The following GLIS1 variants were observed in gnomAD, a reference collection of about 807,000 sequenced individuals.
GLIS1 encodes the protein zinc finger protein GLIS1.
GLIS1 carries 24 observed loss-of-function variants against 63.8 expected under a neutral mutation model. The observed-to-expected ratio is 0.38, with a 90% confidence interval of 0.27 to 0.53. The LOEUF (loss-of-function observed/expected upper bound fraction) is 0.53. GLIS1 is among the 20% of genes least tolerant of loss of function. GLIS1 has a pLI of 0.85. For missense variants in GLIS1, 1,036 were observed against 1,074.1 expected, an observed-to-expected ratio of 0.96 and a Z score of 0.50; for synonymous variants, 450 against 482.5, an observed-to-expected ratio of 0.93 and a Z score of 0.88.
chr1:53,641,146 G>A (rs1296757428), intron 2 of GLIS1, among the ~76,000 whole-genome samples: 5 of 152,182 alleles, frequency 3.3e-5, no homozygotes, highest in Non-Finnish European at 7.3e-5. Flanking sequence ...GGTCTGCGGT[G>A]TTGACTCTTC....
chr1:53,527,167 GC>G (rs1397349798), intron 5 of GLIS1, among the ~76,000 whole-genome samples: 1 of 152,266 alleles, frequency 6.6e-6, no homozygotes, highest in Non-Finnish European at 1.5e-5. Flanking sequence ...GAGGGAGGGA[GC>G]GTGTGCAGGC....
intron 2 of GLIS1, among the ~76,000 whole-genome samples, chr1:53,709,386 A>G (rs1646618989): frequency 2.5e-5 from 1 of 40,276 alleles, no homozygotes; most frequent in Non-Finnish European, 4.6e-5. Flanking sequence ...ACATATATAC[A>G]TATATATACA....
At chr1:53,542,704 G>A (rs1023081389) in intron 4 of GLIS1, among the ~76,000 whole-genome samples, 1 of 152,214 alleles carries the variant, frequency 6.6e-6, no homozygotes, top group Non-Finnish European at 1.5e-5. Context: ...TAAAAGCTGC[G>A]AGGTCCTGAG....
At chr1:53,527,776 A>G (rs190885451) in intron 5 of GLIS1, among the ~76,000 whole-genome samples, 1 of 152,286 alleles carries the variant, frequency 6.6e-6, no homozygotes, top group Admixed American at 6.5e-5. Flanking sequence ...GGGGAGCTGG[A>G]TCCGAGTGGG....
rs528405015 is a variant in GLIS1, at chr1:53,534,502, G to T, written c.1321-4550C>A. ...AAGGGCTGAGTGCCTCTATGTGGGG[G>T]GTTCAGAGAGGGAGATTGTTCCCCC... On this transcript the variant is annotated intron_variant, in intron 4 of 10. Transcript: ENST00000628545. Among the ~76,000 whole-genome samples the T allele has an allele frequency of 1.4e-4, 22 of 151,982 alleles. No homozygotes were observed. The Middle Eastern group carries it at 0.01, about 71-fold the overall frequency.
chr1:53,512,696 G>T (rs540405427), intron 8 of GLIS1, among the ~76,000 whole-genome samples: 16 of 152,160 alleles, frequency 1.1e-4, no homozygotes, highest in Non-Finnish European at 2.4e-4. Context: ...GTGGGCAGGC[G>T]GGGGTCCCGT....
At chr1:53,674,608 G>C (rs1442672429) in intron 2 of GLIS1, among the ~76,000 whole-genome samples, 1 of 152,188 alleles carries the variant, frequency 6.6e-6, no homozygotes, top group Non-Finnish European at 1.5e-5. Flanking sequence ...CATGGTGCGA[G>C]ACACTAGGAG....
At chr1:53,671,631 T>G (rs1646153820) in intron 2 of GLIS1, among the ~76,000 whole-genome samples, 1 of 152,238 alleles carries the variant, frequency 6.6e-6, no homozygotes, top group Admixed American at 6.5e-5. Flanking sequence ...CTAGAGGTAT[T>G]CAGGGACAGA....
rs143732064 is a variant in GLIS1 at position 53,514,466 on chromosome 1, A to C, written c.1883+159T>G. Among the ~76,000 whole-genome samples, 557 of 152,104 alleles carry C rather than the reference A, an allele frequency of 3.7e-3. 1 individual carries two copies. The highest frequency in any genetic ancestry group is 0.013 in the African/African-American group (531 of 41,512). Reference sequence around the variant, plus strand: ...AGGCACCAACGGAATCATGCACACAAAGTGTGTGGAATGCAGTCTGCAGTC... The same window carrying C: ...AGGCACCAACGGAATCATGCACACACAGTGTGTGGAATGCAGTCTGCAGTC... On this transcript the variant is annotated intron_variant, in intron 8 of 10. Coordinates refer to ENST00000628545, the MANE Select transcript of GLIS1 (RefSeq NM_001367484.1).
At chr1:53,588,648 G>A (rs1278486483) in intron 4 of GLIS1, among the ~76,000 whole-genome samples, 1 of 152,228 alleles carries the variant, frequency 6.6e-6, no homozygotes, top group African/African-American at 2.4e-5. Context: ...AAATGCTCAA[G>A]CCCACAGGGC....
At chr1:53,711,474 T>C (rs903332216) in intron 2 of GLIS1, among the ~76,000 whole-genome samples, 5 of 152,272 alleles carry the variant, frequency 3.3e-5, no homozygotes, top group Non-Finnish European at 7.3e-5. Context: ...CTCTGTGCCT[T>C]CCTGCTGCCT....
At chr1:53,684,961 G>A (rs193261073) in intron 2 of GLIS1, among the ~76,000 whole-genome samples, 63 of 152,308 alleles carry the variant, frequency 4.1e-4, no homozygotes, top group African/African-American at 1.4e-3. Context: ...AGAGACTCAC[G>A]GGAGGGGAGA....
At chr1:53,556,720 T>C (rs1445420871) in intron 4 of GLIS1, among the ~76,000 whole-genome samples, 1 of 150,508 alleles carries the variant, frequency 6.6e-6, no homozygotes, top group African/African-American at 2.5e-5. Context: ...CAGATGTTTG[T>C]GTGCAGGTGT....
intron 4 of GLIS1, among the ~76,000 whole-genome samples, chr1:53,532,661 C>T (rs1052297618): frequency 2.0e-5 from 3 of 152,230 alleles, no homozygotes; most frequent in African/African-American, 7.2e-5. Flanking sequence ...AGTGGGGCTT[C>T]CTCTCAGCAT....
chr1:53,521,723 C>G (rs777745557), intron 6 of GLIS1, among the ~76,000 whole-genome samples: 1 of 152,156 alleles, frequency 6.6e-6, no homozygotes, highest in Non-Finnish European at 1.5e-5. Flanking sequence ...TGGGGTGCAC[C>G]CAGTAACCCA....
At chr1:53,704,225 G>A (rs1033552965) in intron 2 of GLIS1, among the ~76,000 whole-genome samples, 2 of 152,240 alleles carry the variant, frequency 1.3e-5, no homozygotes, top group Admixed American at 1.3e-4. Context: ...CAGGACCACC[G>A]TGTCAAACAG....
intron 2 of GLIS1, among the ~76,000 whole-genome samples, chr1:53,675,808 A>G (rs569983105): frequency 2.6e-5 from 4 of 152,126 alleles, no homozygotes; most frequent in African/African-American, 9.6e-5. Context: ...GGCTCCTTCC[A>G]ATTGGAGCGC....
At chr1:53,637,605 G>A (rs1417872407) in intron 2 of GLIS1, among the ~76,000 whole-genome samples, 1 of 152,082 alleles carries the variant, frequency 6.6e-6, no homozygotes, top group Non-Finnish European at 1.5e-5. Flanking sequence ...GTACACATAC[G>A]GCTGATTTGC....
chr1:53,733,569 G>A (rs1188252560), intron 2 of GLIS1, among the ~76,000 whole-genome samples: 1 of 152,140 alleles, frequency 6.6e-6, no homozygotes, highest in East Asian at 1.9e-4. Flanking sequence ...AAGGGAAGAG[G>A]AATTCTAGCC....
Sources: allele counts gnomAD v4.1 joint callset (sites outside exome capture counted in the v4.1 genomes callset), GRCh38; gene constraint gnomAD v4.1.1; transcripts MANE v1.5; gene names NCBI Gene and HGNC (gene_info 2026-07-23, HGNC 2026-07-21).